The following CALML4 variants were observed in gnomAD, a reference collection of about 807,000 sequenced individuals.
CALML4 encodes the protein calmodulin-like protein 4.
A neutral mutation model predicts 17.9 loss-of-function variants in CALML4; 16 were observed. That is an observed-to-expected ratio of 0.89 (90% CI 0.61 to 1.36). CALML4 has a LOEUF of 1.36. Among genes scored for constraint, CALML4 ranks in the 40% most tolerant of loss-of-function variants. The pLI, the probability that CALML4 is intolerant of heterozygous loss-of-function variation, is 0.00. For missense variants in CALML4, 203 were observed against 194.8 expected, an observed-to-expected ratio of 1.04 and a Z score of -0.25; for synonymous variants, 86 against 71.5, an observed-to-expected ratio of 1.20 and a Z score of -1.02.
rs935929676 is a variant in CALML4, at chr15:68,199,863, G to A, written c.35-182C>T. On this transcript the variant is annotated intron_variant, in intron 2 of 4. Transcript: ENST00000467889. ...AAATACAGGACTGCCAAGTTAAACCGAATTCAGATAAACACTGAATATACT... is the reference window on the plus strand; with the variant it reads ...AAATACAGGACTGCCAAGTTAAACCAAATTCAGATAAACACTGAATATACT... 7 of 539,244 alleles carry A rather than the reference G, an allele frequency of 1.3e-5. 1 individual carries two copies. The highest frequency in any genetic ancestry group is 9.6e-5 in the East Asian group (3 of 31,218). 33.4% of individuals were successfully genotyped at this position (539,244 alleles called of 1,614,324 possible). A position where few individuals can be genotyped will look rare whatever the true frequency, so the allele number is the denominator to read the frequency against.
In CALML4 at chr15:68,204,965, CCCG is replaced by C. The variant is rs1213518326; in HGVS notation, c.34+153_34+155del. Reference sequence around the variant, plus strand: ...TTGGAGGCTTACCCCCAACCCCCACCCCGCCAACAGCAGCCTCCCCGCAGCTCT... The same window carrying C: ...TTGGAGGCTTACCCCCAACCCCCACCCCAACAGCAGCCTCCCCGCAGCTCT... On this transcript the variant is annotated intron_variant, in intron 2 of 4. Coordinates refer to ENST00000467889, the MANE Select transcript of CALML4 (RefSeq NM_033429.3). The surrounding 1 kb of genome is among the most constrained non-coding windows in gnomAD (Gnocchi z 6.0). 3.3e-5 allele frequency among the ~76,000 whole-genome samples: 5 copies of C among 152,092 alleles called. No individual in the cohort carries two copies. The highest frequency in any genetic ancestry group is 7.4e-5 in the Non-Finnish European group (5 of 68,018).
Position 68,197,372 on chromosome 15 carries a change from G to A in CALML4, c.364+68C>T. The A allele has an allele frequency of 6.6e-7, 1 of 1,505,600 alleles. No individual in the cohort carries two copies. The highest frequency in any genetic ancestry group is 2.3e-5 in the East Asian group (1 of 44,254). The allele number at this position is 1,505,600 out of a possible 1,614,324, so 93.3% of individuals were successfully genotyped here. ...GTACCACCCTGGTGGCATCAGCTAG[G>A]CTTTGGTGCCCTCCTTCCAACTCCC... is the stretch of plus-strand genomic sequence containing the variant. On this transcript the variant is annotated intron_variant, in intron 4 of 4. Coordinates refer to ENST00000467889, the MANE Select transcript of CALML4 (RefSeq NM_033429.3). This position sits in a 1 kb window ranked among gnomAD's most constrained non-coding sequence, Gnocchi z 4.1.
chr15:68,201,663 G>A (rs2093165955), intron 2 of CALML4, among the ~76,000 whole-genome samples: 1 of 152,164 alleles, frequency 6.6e-6, no homozygotes, highest in African/African-American at 2.4e-5. Context: ...GGGGCCTGTG[G>A]TCCTTGCCAG....
intron 4 of CALML4, among the ~76,000 whole-genome samples, chr15:68,196,498 A>G (rs1394386997): frequency 1.3e-5 from 2 of 152,202 alleles, no homozygotes; most frequent in Non-Finnish European, 2.9e-5. Context: ...GCCTCTTTCC[A>G]GCACCCACTT....
Position 68,204,971 on chromosome 15 carries a change from A to G in CALML4, c.34+150T>C, listed in dbSNP as rs1046243113. 69 of 845,950 alleles carry G rather than the reference A, an allele frequency of 8.2e-5. No individual in the cohort carries two copies. The Admixed American group carries it at 1.7e-3, about 20-fold the overall frequency. The allele number at this position is 845,950 out of a possible 1,614,324, so 52.4% of individuals were successfully genotyped here. ...GCTTACCCCCAACCCCCACCCCGCC[A>G]ACAGCAGCCTCCCCGCAGCTCTTGG... On this transcript the variant is annotated intron_variant, in intron 2 of 4. Coordinates refer to ENST00000467889, the MANE Select transcript of CALML4 (RefSeq NM_033429.3). This position sits in a 1 kb window ranked among gnomAD's most constrained non-coding sequence, Gnocchi z 6.0.
intron 4 of CALML4, 56 bp from the exon 5 acceptor site, chr15:68,194,168 A>C: frequency 6.9e-7 from 1 of 1,457,270 alleles, no homozygotes. Context: ...ATTATAAAAC[A>C]GTGAGTTTTT....
At position 68,193,540 on chromosome 15, in the gene CALML4, A is replaced by C. The variant is rs943919313; in HGVS notation, c.*475T>G. On this transcript the variant is annotated 3_prime_UTR_variant, in exon 5 of 5. Coordinates refer to ENST00000467889, the MANE Select transcript of CALML4 (RefSeq NM_033429.3). ...GCTAGCACTGGCTTCATCTTGGAAA[A>C]TCTTGGAAATATGGAAGATGGTTCT... The C allele has an allele frequency of 6.5e-6, 1 of 153,594 alleles. No individual in the cohort carries two copies. The allele number at this position is 153,594 out of a possible 1,614,324, so 9.5% of individuals were successfully genotyped here.
rs190573985 is a variant in CALML4 at position 68,191,824 on chromosome 15, G to A, written c.*2191C>T. On this transcript the variant is annotated 3_prime_UTR_variant, in exon 5 of 5. Coordinates refer to ENST00000467889, the MANE Select transcript of CALML4 (RefSeq NM_033429.3). ...GGAGTAAGGTAACAGCCCTTCCTCG[G>A]GTAGAGGTTTGAATCAAACACTTAA... is the stretch of plus-strand genomic sequence containing the variant. 6.6e-6 allele frequency: 1 copy of A among 152,296 alleles called. No homozygotes were observed. Among genetic ancestry groups the A allele is most frequent in the African/African-American group, 2.4e-5 (1 of 41,544 alleles). The allele number at this position is 152,296 out of a possible 1,614,324, so 9.4% of individuals were successfully genotyped here.
In CALML4 at chr15:68,197,325, C is replaced by T. The variant is rs984564696; in HGVS notation, c.364+115G>A. Reference sequence around the variant, plus strand: ...TGGCATCTGCTCACAGTCTCCTGCGCGCGCATCAACAGAGGTGGTCTGTAC... The same window carrying T: ...TGGCATCTGCTCACAGTCTCCTGCGTGCGCATCAACAGAGGTGGTCTGTAC... On this transcript the variant is annotated intron_variant, in intron 4 of 4. Coordinates refer to ENST00000467889, the MANE Select transcript of CALML4 (RefSeq NM_033429.3). The surrounding 1 kb of genome is among the most constrained non-coding windows in gnomAD (Gnocchi z 4.1). 168 of 922,318 alleles carry T rather than the reference C, an allele frequency of 1.8e-4. No individual in the cohort carries two copies. The highest frequency in any genetic ancestry group is 1.3e-3 in the African/African-American group (77 of 60,404). The allele number at this position is 922,318 out of a possible 1,614,324, so 57.1% of individuals were successfully genotyped here.
intron 4 of CALML4, among the ~76,000 whole-genome samples, chr15:68,194,502 G>A (rs1477321972): frequency 6.6e-6 from 1 of 151,818 alleles, no homozygotes; most frequent in Non-Finnish European, 1.5e-5. Context: ...TCCTGCCTCA[G>A]GCTCCTGAGT....
rs968653181 is a variant in CALML4, at chr15:68,193,703, C to G, written c.*312G>C. The G allele has an allele frequency of 1.4e-5, 4 of 287,056 alleles. No homozygotes were observed. Among genetic ancestry groups the G allele is most frequent in the African/African-American group, 2.2e-5 (1 of 46,298 alleles). 17.8% of individuals were successfully genotyped at this position (287,056 alleles called of 1,614,324 possible). A position where few individuals can be genotyped will look rare whatever the true frequency, so the allele number is the denominator to read the frequency against. ...GCTTTGAGGAGTGAAATGATTTGCC[C>G]AAAGTCACAGTGGGAAGCAGCAGAG... On this transcript the variant is annotated 3_prime_UTR_variant, in exon 5 of 5. Coordinates refer to ENST00000467889, the MANE Select transcript of CALML4 (RefSeq NM_033429.3).
intron 3 of CALML4, among the ~76,000 whole-genome samples, chr15:68,198,814 A>G (rs2093155109): frequency 6.6e-6 from 1 of 151,918 alleles, no homozygotes; most frequent in African/African-American, 2.4e-5. Context: ...TCCTGATGCC[A>G]TCATTGGCTC....
chr15:68,201,019 G>GC (rs1398993805), intron 2 of CALML4, among the ~76,000 whole-genome samples: 4 of 151,994 alleles, frequency 2.6e-5, no homozygotes, highest in Non-Finnish European at 5.9e-5. Context: ...TGCAGAAGGA[G>GC]CCCCCCAAAT....
In CALML4 at chr15:68,193,048, T is replaced by G. The variant is rs550045441; in HGVS notation, c.*967A>C. On this transcript the variant is annotated 3_prime_UTR_variant, in exon 5 of 5. Coordinates refer to ENST00000467889, the MANE Select transcript of CALML4 (RefSeq NM_033429.3). ...GAAAGCCTAGTGCTCCTACTACTGT[T>G]TTCCAGGGCTGTTGTACCCTGGCCA... is the stretch of plus-strand genomic sequence containing the variant. The G allele has an allele frequency of 8.2e-4, 125 of 152,404 alleles. No homozygotes were observed. The highest frequency in any genetic ancestry group is 5.4e-4 in the Non-Finnish European group (37 of 68,086). 9.4% of individuals were successfully genotyped at this position (152,404 alleles called of 1,614,324 possible).
At position 68,193,890 on chromosome 15, in the gene CALML4, T is replaced by C; in HGVS notation, c.*125A>G. 1.5e-6 allele frequency: 1 copy of C among 649,380 alleles called. No homozygotes were observed. Among genetic ancestry groups the C allele is most frequent in the African/African-American group, 1.8e-5 (1 of 54,844 alleles). The allele number at this position is 649,380 out of a possible 1,614,324, so 40.2% of individuals were successfully genotyped here. On this transcript the variant is annotated 3_prime_UTR_variant, in exon 5 of 5. Transcript: ENST00000467889. Reference sequence around the variant, plus strand: ...TATTGTTGCTAGTTAGCCTCTCTTCTATAGTTGGGTAATGTTGTCTTGCCA... The same window carrying C: ...TATTGTTGCTAGTTAGCCTCTCTTCCATAGTTGGGTAATGTTGTCTTGCCA...
At position 68,205,193 on chromosome 15, in the gene CALML4, T is replaced by G. The variant is rs2093178572; in HGVS notation, c.4-42A>C. On this transcript the variant is annotated intron_variant, in intron 1 of 4. Transcript: ENST00000467889. This position sits in a 1 kb window ranked among gnomAD's most constrained non-coding sequence, Gnocchi z 4.8. ...AAAACAGTCAGGGGAGGGCTCCACC[T>G]GAGGTTCACGCCCCCAGCCCTGGCC... The G allele has an allele frequency of 6.2e-7, 1 of 1,614,110 alleles. No individual in the cohort carries two copies. The highest frequency in any genetic ancestry group is 1.7e-5 in the Admixed American group (1 of 60,018).
chr15:68,199,026 G>A (rs1042866477), intron 3 of CALML4, among the ~76,000 whole-genome samples: 1 of 152,050 alleles, frequency 6.6e-6, no homozygotes, highest in Non-Finnish European at 1.5e-5. Flanking sequence ...GCTAGGCGTG[G>A]TGGCAGGCAC....
In CALML4 at chr15:68,205,300, G is replaced by T; in HGVS notation, c.-53C>A. ...CTTGCTGCTCCCAGAACCGCGTTCA[G>T]TTCCCTTTCCTCCAGCCTCAAGTCT... On this transcript the variant is annotated 5_prime_UTR_variant, in exon 1 of 5. In the 5' UTR this introduces an upstream ATG that the reference lacks. Coordinates refer to ENST00000467889, the MANE Select transcript of CALML4 (RefSeq NM_033429.3). This position sits in a 1 kb window ranked among gnomAD's most constrained non-coding sequence, Gnocchi z 4.8. The T allele has an allele frequency of 6.2e-7, 1 of 1,614,148 alleles. No individual in the cohort carries two copies. Among genetic ancestry groups the T allele is most frequent in the Non-Finnish European group, 8.5e-7 (1 of 1,180,040 alleles).
upstream of CALML4, chr15:68,205,469 TG>T (rs2093180275): frequency 6.6e-7 from 1 of 1,508,028 alleles, no homozygotes; most frequent in Non-Finnish European, 9.0e-7. This position sits in a 1 kb window ranked among gnomAD's most constrained non-coding sequence, Gnocchi z 4.8. Context: ...TTTGAGGAAA[TG>T]GGGCTGCAGA....
Sources: allele counts gnomAD v4.1 joint callset (sites outside exome capture counted in the v4.1 genomes callset), GRCh38; gene constraint gnomAD v4.1.1; non-coding constraint Gnocchi (gnomAD v3.1); transcripts MANE v1.5; gene names NCBI Gene and HGNC (gene_info 2026-07-23, HGNC 2026-07-21).